FBXO15: variants seen among roughly 807,000 people sequenced by gnomAD.
FBXO15 encodes the protein F-box protein 15.
A neutral mutation model predicts 49.5 loss-of-function variants in FBXO15; 30 were observed. The ratio of observed to expected loss-of-function variants is 0.61; its 90% CI spans 0.45 to 0.82. The LOEUF (loss-of-function observed/expected upper bound fraction) is 0.82. Ranked by LOEUF, FBXO15 falls within the 40% of genes least tolerant of loss-of-function variation. The pLI, the probability that FBXO15 is intolerant of heterozygous loss-of-function variation, is 0.00. For synonymous variants in FBXO15, 250 were observed against 232.7 expected (o/e 1.07, Z -0.68); for missense variants, 591 against 631.5 (o/e 0.94, Z 0.69).
chr18:74,124,676 T>C (rs1914628205), intron 6 of FBXO15, 105 bp from the exon 7 acceptor site: 2 of 931,436 alleles, frequency 2.1e-6, no homozygotes, highest in Admixed American at 1.8e-5. Flanking sequence ...ATAGAGGCAC[T>C]TTCTTACAAA....
intron 3 of FBXO15, 130 bp from the exon 4 acceptor site, chr18:74,130,788 T>C: frequency 1.0e-6 from 1 of 999,008 alleles, no homozygotes; most frequent in Non-Finnish European, 1.4e-6. Context: ...ATATTTACAG[T>C]TGAACGTTCA....
At chr18:74,094,909 A>C (rs1317393776) in intron 8 of FBXO15, among the ~76,000 whole-genome samples, 1 of 152,250 alleles carries the variant, frequency 6.6e-6, no homozygotes, top group Admixed American at 6.5e-5. Flanking sequence ...AGCCACCTTC[A>C]TCAATGATCT....
Position 74,129,626 on chromosome 18 carries a change from A to G in FBXO15, c.576-12T>C. 3 of 1,593,350 alleles carry G rather than the reference A, an allele frequency of 1.9e-6. No homozygotes were observed. Among genetic ancestry groups the G allele is most frequent in the Non-Finnish European group, 1.7e-6 (2 of 1,172,284 alleles). ...CTAAACCAAATATTCTGGAGAAAGA[A>G]AAAAAAACTAACAATGTTTGCCTCA... On this transcript the variant is annotated splice_polypyrimidine_tract_variant and intron_variant, in intron 4 of 9. Coordinates refer to ENST00000419743, the MANE Select transcript of FBXO15 (RefSeq NM_001142958.2).
At chr18:74,130,696 C>T (rs1978345200) in intron 3 of FBXO15, 38 bp from the exon 4 acceptor site, 2 of 1,584,550 alleles carry the variant, frequency 1.3e-6, no homozygotes, top group South Asian at 2.3e-5. Context: ...CTAAGAGACA[C>T]TGTCACCTAC....
chr18:74,110,318 AG>A (rs1913965869), intron 8 of FBXO15, among the ~76,000 whole-genome samples: 1 of 151,594 alleles, frequency 6.6e-6, no homozygotes, highest in South Asian at 2.1e-4. Flanking sequence ...ATGAAGTGGC[AG>A]AATGTTATTT....
In FBXO15 at chr18:74,129,584, C is replaced by A. The variant is rs977352310; in HGVS notation, c.606G>T (p.Leu202=). The change falls in exon 5 of 10, where the codon CTG becomes CTT. Residue 202 remains leucine (L), a synonymous_variant. Transcript: ENST00000419743. ...RIFGLGWAII[L]KEKGGKEYIM... ...TATATTCTTTTCCACCTTTTTCTTTCAGTATAATTGCCCAACCTAAACCAA... is the reference window on the plus strand; with the variant it reads ...TATATTCTTTTCCACCTTTTTCTTTAAGTATAATTGCCCAACCTAAACCAA... 7 of 1,611,252 alleles carry A rather than the reference C, an allele frequency of 4.3e-6. No individual in the cohort carries two copies. The highest frequency in any genetic ancestry group is 1.7e-5 in the Admixed American group (1 of 59,894).
intron 1 of FBXO15, among the ~76,000 whole-genome samples, chr18:74,143,234 A>T (rs1357439215): frequency 6.6e-6 from 1 of 152,234 alleles, no homozygotes; most frequent in Non-Finnish European, 1.5e-5. Flanking sequence ...AATCAGTAAC[A>T]GCTTTTTGTC....
intron 8 of FBXO15, among the ~76,000 whole-genome samples, chr18:74,110,194 C>CATATATATATATATATAT (rs58739905): frequency 1.6e-4 from 23 of 143,594 alleles, no homozygotes; most frequent in African/African-American, 5.6e-4. Context: ...CATATGTGTG[C>CATATATATATATATATAT]ATATATATAT....
At chr18:74,114,154 C>T (rs1914135762) in intron 8 of FBXO15, among the ~76,000 whole-genome samples, 3 of 152,178 alleles carry the variant, frequency 2.0e-5, no homozygotes, top group Admixed American at 6.5e-5. Flanking sequence ...TGGAATTCTG[C>T]TAGTGCCAGG....
At chr18:74,084,167 T>C (rs1912623607) in intron 8 of FBXO15, among the ~76,000 whole-genome samples, 1 of 152,238 alleles carries the variant, frequency 6.6e-6, no homozygotes, top group Admixed American at 6.5e-5. Context: ...TTTGTTTTCA[T>C]ACTACTCCCA....
intron 2 of FBXO15, among the ~76,000 whole-genome samples, chr18:74,136,790 A>C (rs1206448768): frequency 6.6e-6 from 1 of 152,232 alleles, no homozygotes; most frequent in Non-Finnish European, 1.5e-5. Context: ...CGCCTCTGTG[A>C]ATCTTCAGCA....
chr18:74,123,374 T>A lies in FBXO15; in HGVS notation c.1132A>T (p.Lys378Ter), dbSNP rs562099633. ...LCGTFRNLFT[K>*]RGNIENGHVK... ...AAAACTCAATCAATTTCACCTCTCT[T>A]GGTGAAGAGATTGCGAAATGTACCA... Residue 378 changes from lysine (K) to a stop codon, truncating the protein, a stop_gained, in exon 8 of 10, where the codon AAG becomes TAG. Coordinates refer to ENST00000419743, the MANE Select transcript of FBXO15 (RefSeq NM_001142958.2). LOFTEE classifies it high-confidence loss of function. 2.5e-6 allele frequency: 4 copies of A among 1,602,692 alleles called. No homozygotes were observed. Among genetic ancestry groups the A allele is most frequent in the Non-Finnish European group, 3.4e-6 (4 of 1,177,430 alleles).
chr18:74,108,719 A>C (rs1002125588), intron 8 of FBXO15, among the ~76,000 whole-genome samples: 4 of 152,124 alleles, frequency 2.6e-5, no homozygotes, highest in Non-Finnish European at 4.4e-5. Context: ...GAGAACACCA[A>C]ACAGGATAAA....
intron 8 of FBXO15, among the ~76,000 whole-genome samples, chr18:74,090,352 C>T (rs1035342410): frequency 2.0e-5 from 3 of 151,812 alleles, no homozygotes; most frequent in Non-Finnish European, 2.9e-5. Flanking sequence ...TTCAAAAAAA[C>T]AACTCCTGAA....
At chr18:74,108,114 C>T (rs997751597) in intron 8 of FBXO15, among the ~76,000 whole-genome samples, 2 of 152,112 alleles carry the variant, frequency 1.3e-5, no homozygotes, top group Non-Finnish European at 2.9e-5. Flanking sequence ...TTACCCAGGA[C>T]ATCATGTCCA....
At chr18:74,107,251 A>G (rs1302233387) in intron 8 of FBXO15, among the ~76,000 whole-genome samples, 1 of 151,916 alleles carries the variant, frequency 6.6e-6, no homozygotes, top group Admixed American at 6.6e-5. Flanking sequence ...AATCTAGAAG[A>G]CATTATATTC....
In FBXO15 at chr18:74,110,164, C is replaced by CATATATAT. The variant is rs61486308; in HGVS notation, c.1138+13196_1138+13203dup. ...ATTCTAATATATATACATATGTGTGCATATATATATATATATACACATATG... is the reference window on the plus strand; with the variant it reads ...ATTCTAATATATATACATATGTGTGCATATATATATATATATATATATATACACATATG... On this transcript the variant is annotated intron_variant, in intron 8 of 9. Transcript: ENST00000419743. 8.5e-5 allele frequency among the ~76,000 whole-genome samples: 11 copies of CATATATAT among 129,570 alleles called. 1 individual carries two copies. The highest frequency in any genetic ancestry group is 4.8e-4 in the South Asian group (2 of 4,190). 85.0% of individuals were successfully genotyped at this position (129,570 alleles called of 152,430 possible).
chr18:74,084,348 CT>C (rs1185349665), intron 8 of FBXO15, among the ~76,000 whole-genome samples: 1 of 152,180 alleles, frequency 6.6e-6, no homozygotes, highest in Non-Finnish European at 1.5e-5. Context: ...ACATGTGTTC[CT>C]GTAAACCTGG....
rs141468271 is a variant in FBXO15 at position 74,073,589 on chromosome 18, C to T, written c.1405G>A (p.Val469Ile). ...ACGTGCACTCTTCCTTCCGCATCAA[C>T]GTAGTCCACGTTGTATGTCTGTCCC... ...FLGQTYNVDYVDAEGRVHVEL... is the reference protein window; with the variant it reads ...FLGQTYNVDYIDAEGRVHVEL... Residue 469 changes from valine to isoleucine, a missense_variant, in exon 10 of 10, where the codon GTT (valine) becomes ATT (isoleucine). Coordinates refer to ENST00000419743, the MANE Select transcript of FBXO15 (RefSeq NM_001142958.2). 22 of 1,614,232 alleles carry T rather than the reference C, an allele frequency of 1.4e-5. No individual in the cohort carries two copies. Among genetic ancestry groups the T allele is most frequent in the East Asian group, 1.1e-4 (5 of 44,890 alleles).
Sources: allele counts gnomAD v4.1 joint callset (sites outside exome capture counted in the v4.1 genomes callset), GRCh38; gene constraint gnomAD v4.1.1; transcripts MANE v1.5; gene names NCBI Gene and HGNC (gene_info 2026-07-23, HGNC 2026-07-21).